The following SERPINA1 variants were observed in gnomAD, a reference collection of about 807,000 sequenced individuals.
SERPINA1 encodes the protein serpin family A member 1, also known as alpha-1-antitrypsin.
In SERPINA1, 21 loss-of-function variants were observed where a neutral mutation model predicts 25.4. That is an observed-to-expected ratio of 0.83 (90% CI 0.59 to 1.19). The LOEUF is 1.19. SERPINA1 is among the 50% of genes most tolerant of loss of function. The pLI, the probability that SERPINA1 is intolerant of heterozygous loss-of-function variation, is 0.00. For missense variants in SERPINA1, 546 were observed against 509.0 expected, an observed-to-expected ratio of 1.07 and a Z score of -0.70; for synonymous variants, 218 against 211.1, an observed-to-expected ratio of 1.03 and a Z score of -0.29.
rs2230075 is a variant in SERPINA1, at chr14:94,380,969, G to C, written c.819C>G (p.Thr273=). ...VLLMKYLGNA[T]AIFFLPDEGK... ...CCTCATCAGGCAGGAAGAAGATGGC[G>C]GTGGCATTGCCCAGGTATTTCATCA... The change falls in exon 3 of 5, where the codon ACC becomes ACG. Residue 273 remains threonine, a synonymous_variant. Coordinates refer to ENST00000393087, the MANE Select transcript of SERPINA1 (RefSeq NM_000295.5). The C allele has an allele frequency of 6.2e-7, 1 of 1,614,158 alleles. No individual in the cohort carries two copies. The highest frequency in any genetic ancestry group is 8.5e-7 in the Non-Finnish European group (1 of 1,180,028).
chr14:94,384,641 G>A (rs1309163230), intron 1 of SERPINA1, among the ~76,000 whole-genome samples: 1 of 152,184 alleles, frequency 6.6e-6, no homozygotes, highest in African/African-American at 2.4e-5. Flanking sequence ...CTTCACAGAT[G>A]GGAAAACTGA....
At position 94,388,203 on chromosome 14, in the gene SERPINA1, A is replaced by G. The variant is rs572217668; in HGVS notation, c.-5+357T>C. Among the ~76,000 whole-genome samples, 4 of 152,210 alleles carry G rather than the reference A, an allele frequency of 2.6e-5. No individual in the cohort carries two copies. The South Asian group carries it at 8.3e-4, about 32-fold the overall frequency. The stretch of plus-strand genomic sequence containing the variant: ...CCCCGACAGACAGAGGAGCTGTGCA[A>G]ACAGAAAGAAATGGCTGCGCTTTGT... On this transcript the variant is annotated intron_variant, in intron 1 of 4. Coordinates refer to ENST00000393087, the MANE Select transcript of SERPINA1 (RefSeq NM_000295.5).
At chr14:94,380,405 C>T (rs765641081) in intron 3 of SERPINA1, among the ~76,000 whole-genome samples, 1 of 152,248 alleles carries the variant, frequency 6.6e-6, no homozygotes, top group Admixed American at 6.5e-5. Flanking sequence ...CGAACATGGC[C>T]TGGCTGTTCC....
chr14:94,379,307 G>T, intron 4 of SERPINA1, 157 bp downstream of exon 4: 2 of 1,120,522 alleles, frequency 1.8e-6, no homozygotes, highest in Non-Finnish European at 2.7e-6. Context: ...GTTTGACCAC[G>T]TCCCGTGTCA....
At chr14:94,382,531 G>A in intron 2 of SERPINA1, 61 bp downstream of exon 2, 1 of 1,604,978 alleles carries the variant, frequency 6.2e-7, no homozygotes, top group Non-Finnish European at 8.5e-7. Flanking sequence ...AAGAACTGAT[G>A]GTTTGAGAAT....
chr14:94,382,940 T>C lies in SERPINA1; in HGVS notation c.298A>G (p.Ile100Val). The C allele has an allele frequency of 1.2e-6, 2 of 1,610,728 alleles. No homozygotes were observed. The highest frequency in any genetic ancestry group is 1.7e-6 in the Non-Finnish European group (2 of 1,177,390). ...AGGTTGAAATTCAGGCCCTCCAGGA[T>C]TTCATCGTGAGTGTCAGCCTTGGTC... is the stretch of plus-strand genomic sequence containing the variant. ...LGTKADTHDE[I>V]LEGLNFNLTE... is the part of the protein sequence containing the mutation. Residue 100 changes from isoleucine to valine, a missense_variant, in exon 2 of 5, where the codon ATC becomes GTC. Coordinates refer to ENST00000393087, the MANE Select transcript of SERPINA1 (RefSeq NM_000295.5).
rs1897066849 is a variant in SERPINA1 at position 94,383,097 on chromosome 14, G to A, written c.141C>T (p.Phe47=). 1.2e-6 allele frequency: 2 copies of A among 1,614,134 alleles called. No individual in the cohort carries two copies. Among genetic ancestry groups the A allele is most frequent in the African/African-American group, 2.7e-5 (2 of 74,952 alleles). The part of the protein sequence containing the change: ...TSHHDQDHPT[F]NKITPNLAEF... ...CAGCCAGGTTGGGGGTGATCTTGTTGAAGGTTGGGTGATCCTGATCATGGT... is the reference window on the plus strand; with the variant it reads ...CAGCCAGGTTGGGGGTGATCTTGTTAAAGGTTGGGTGATCCTGATCATGGT... The change falls in exon 2 of 5, where the codon TTC becomes TTT. Residue 47 remains phenylalanine, a synonymous_variant. Transcript: ENST00000393087.
At chr14:94,381,936 G>A (rs2239652) in intron 2 of SERPINA1, among the ~76,000 whole-genome samples, 39,389 of 152,134 alleles carry the variant, frequency 0.26, 5,591 homozygotes, top group South Asian at 0.5. Context: ...AGTGGGAGCT[G>A]GCTTAGAATG....
rs2139662797 is a variant in SERPINA1 at position 94,378,237 on chromosome 14, C to T, written c.*212G>A. ...GATTCAAGCCCAGCATGTGCCTACCCAGCCAGATGCTCCATGAACACAGTT... is the reference window on the plus strand; with the variant it reads ...GATTCAAGCCCAGCATGTGCCTACCTAGCCAGATGCTCCATGAACACAGTT... On this transcript the variant is annotated 3_prime_UTR_variant, in exon 5 of 5. Transcript: ENST00000393087. The T allele has an allele frequency of 3.3e-6, 2 of 603,830 alleles. No individual in the cohort carries two copies. The highest frequency in any genetic ancestry group is 2.0e-5 in the South Asian group (1 of 49,788). 37.4% of individuals were successfully genotyped at this position (603,830 alleles called of 1,614,324 possible). A position where few individuals can be genotyped will look rare whatever the true frequency, so the allele number is the denominator to read the frequency against.
intron 2 of SERPINA1, among the ~76,000 whole-genome samples, chr14:94,381,607 A>G (rs1896920826): frequency 6.6e-6 from 1 of 152,202 alleles, no homozygotes; most frequent in Admixed American, 6.5e-5. Flanking sequence ...CTAGATTGGC[A>G]GGGGAAATGC....
At chr14:94,381,193 A>T (rs375084641) in intron 2 of SERPINA1, 52 bp from the exon 3 acceptor site, 30 of 1,578,766 alleles carry the variant, frequency 1.9e-5, no homozygotes, top group Non-Finnish European at 2.6e-5. Flanking sequence ...GGTTTGGAAG[A>T]GTGTAGCAGA....
Position 94,382,947 on chromosome 14 carries a change from G to T in SERPINA1, c.291C>A (p.His97Gln), listed in dbSNP as rs781502220. The part of the protein sequence containing the change: ...MLSLGTKADT[H>Q]DEILEGLNFN... Reference sequence around the variant, plus strand: ...AATTCAGGCCCTCCAGGATTTCATCGTGAGTGTCAGCCTTGGTCCCCAGGG... The same window carrying T: ...AATTCAGGCCCTCCAGGATTTCATCTTGAGTGTCAGCCTTGGTCCCCAGGG... The change falls in exon 2 of 5, where the codon CAC (histidine) becomes CAA (glutamine). Residue 97 changes from histidine to glutamine, a missense_variant. Coordinates refer to ENST00000393087, the MANE Select transcript of SERPINA1 (RefSeq NM_000295.5). 1 of 1,610,170 alleles carries T rather than the reference G, an allele frequency of 6.2e-7. No individual in the cohort carries two copies. The highest frequency in any genetic ancestry group is 8.5e-7 in the Non-Finnish European group (1 of 1,177,026).
In SERPINA1 at chr14:94,382,947, G is replaced by A. The variant is rs781502220; in HGVS notation, c.291C>T (p.His97=). 2.1e-5 allele frequency: 34 copies of A among 1,610,052 alleles called. No homozygotes were observed. The highest frequency in any genetic ancestry group is 6.7e-5 in the African/African-American group (5 of 74,768). ...MLSLGTKADT[H]DEILEGLNFN... ...AATTCAGGCCCTCCAGGATTTCATCGTGAGTGTCAGCCTTGGTCCCCAGGG... is the reference window on the plus strand; with the variant it reads ...AATTCAGGCCCTCCAGGATTTCATCATGAGTGTCAGCCTTGGTCCCCAGGG... Residue 97 remains histidine, a synonymous_variant, in exon 2 of 5, where the codon CAC becomes CAT. Transcript: ENST00000393087.
Position 94,383,023 on chromosome 14 carries a change from GTGCTGTT to G in SERPINA1, c.208_214del (p.Asn70ProfsTer8). On this transcript the variant is annotated frameshift_variant, in exon 2 of 5. Transcript: ENST00000393087. LOFTEE classifies it high-confidence loss of function. ...GCTCACTGGGGAGAAGAAGATATTG[GTGCTGTT>G]GGACTGGTGTGCCAGCTGGCGGTAT... The G allele has an allele frequency of 6.2e-7, 1 of 1,611,940 alleles. No homozygotes were observed.
In SERPINA1 at chr14:94,379,589, T is replaced by G. The variant is rs1896706581; in HGVS notation, c.940A>C (p.Lys314Gln). The G allele has an allele frequency of 1.2e-6, 2 of 1,614,200 alleles. No individual in the cohort carries two copies. The highest frequency in any genetic ancestry group is 1.7e-6 in the Non-Finnish European group (2 of 1,180,042). ...DRRSASLHLP[K>Q]LSITGTYDLK... ...TCATAGGTTCCAGTAATGGACAGTT[T>G]GGGTAAATGTAAGCTGGCAGACCTG... The change falls in exon 4 of 5, where the codon AAA (lysine) becomes CAA (glutamine). Residue 314 changes from lysine (K) to glutamine (Q), a missense_variant. Lys to Gln is a moderately conservative substitution (Grantham distance 53). Transcript: ENST00000393087.
Position 94,382,849 on chromosome 14 carries a change from G to C in SERPINA1, c.389C>G (p.Pro130Arg). Reference sequence around the variant, plus strand: ...GGTGGTCAGCTGGAGCTGGCTGTCTGGCTGGTTGAGGGTACGGAGGAGTTC... The same window carrying C: ...GGTGGTCAGCTGGAGCTGGCTGTCTCGCTGGTTGAGGGTACGGAGGAGTTC... ...FQELLRTLNQ[P>R]DSQLQLTTGN... is the part of the protein sequence containing the mutation. Residue 130 changes from proline (P) to arginine (R), a missense_variant, in exon 2 of 5, where the codon CCA (proline) becomes CGA (arginine). Coordinates refer to ENST00000393087, the MANE Select transcript of SERPINA1 (RefSeq NM_000295.5). The C allele has an allele frequency of 6.2e-7, 1 of 1,614,218 alleles. No individual in the cohort carries two copies. The highest frequency in any genetic ancestry group is 1.1e-5 in the South Asian group (1 of 91,082).
intron 4 of SERPINA1, 83 bp from the exon 5 acceptor site, chr14:94,378,723 G>C (rs1207910378): frequency 2.9e-6 from 4 of 1,397,050 alleles, no homozygotes; most frequent in Non-Finnish European, 3.9e-6. Context: ...CCCAGGAAGC[G>C]CTCACTCCCC....
At chr14:94,387,241 G>A (rs1258142764) in intron 1 of SERPINA1, among the ~76,000 whole-genome samples, 2 of 152,242 alleles carry the variant, frequency 1.3e-5, no homozygotes, top group Non-Finnish European at 2.9e-5. Flanking sequence ...CCTTGGACAA[G>A]TTACTTAACC....
chr14:94,384,789 G>A (rs1897185530), intron 1 of SERPINA1, among the ~76,000 whole-genome samples: 1 of 152,158 alleles, frequency 6.6e-6, no homozygotes, highest in Non-Finnish European at 1.5e-5. Flanking sequence ...AAAAAAGCTG[G>A]AAATAACAAA....
Sources: allele counts gnomAD v4.1 joint callset (sites outside exome capture counted in the v4.1 genomes callset), GRCh38; gene constraint gnomAD v4.1.1; transcripts MANE v1.5; gene names NCBI Gene and HGNC (gene_info 2026-07-23, HGNC 2026-07-21).